Variants in CTNNA2 observed in about 807,000 individuals in gnomAD.
CTNNA2 encodes the protein catenin alpha 2.
CTNNA2 carries 42 observed loss-of-function variants against 101.0 expected under a neutral mutation model. That is an observed-to-expected ratio of 0.42 (90% CI 0.32 to 0.54). The LOEUF (loss-of-function observed/expected upper bound fraction) is 0.54. CTNNA2 is among the 20% of genes least tolerant of loss of function. The probability of loss-of-function intolerance (pLI) is 0.14; values close to 1 mark genes in which losing one functional copy is unlikely to be tolerated. For synonymous variants in CTNNA2, 450 were observed against 456.4 expected, an observed-to-expected ratio of 0.99 and a Z score of 0.18; for missense variants, 871 against 1,223.1, an observed-to-expected ratio of 0.71 and a Z score of 4.29.
chr2:80,303,185 G>A lies in CTNNA2; in HGVS notation c.1057-90026G>A, dbSNP rs746600276. The A allele has an allele frequency of 2.5e-6, 4 of 1,613,924 alleles. No individual in the cohort carries two copies. In the African/African-American group the frequency reaches 5.3e-5, roughly 22 times the overall value. On this transcript the variant is annotated intron_variant, in intron 7 of 18. Transcript: ENST00000402739. This position sits in a 1 kb window ranked among gnomAD's most constrained non-coding sequence, Gnocchi z 7.7. ...GTCGTTGTGCTCGAGGTGCAGCTCG[G>A]TGAGCTTAAACAAGCCGGCGAAAGA...
At chr2:80,289,312 G>A (rs1336086624) in intron 7 of CTNNA2, 1 of 152,132 alleles carries the variant, frequency 6.6e-6, no homozygotes, top group Non-Finnish European at 1.5e-5. Context: ...TAACATTCCA[G>A]TTGCCATTGA....
intron 9 of CTNNA2, among the ~76,000 whole-genome samples, chr2:80,510,138 T>A (rs1688596466): frequency 6.6e-6 from 1 of 152,206 alleles, no homozygotes; most frequent in Admixed American, 6.5e-5. Context: ...ATTCAGTATC[T>A]CCCTGTTAAC....
chr2:79,258,279 G>A (rs953143832), intron 2 of CTNNA2, among the ~76,000 whole-genome samples: 1 of 152,158 alleles, frequency 6.6e-6, no homozygotes, highest in Non-Finnish European at 1.5e-5. Context: ...GTCTCTTGAA[G>A]CAATTAGAAT....
rs541799189 is a variant in CTNNA2, at chr2:79,192,926, ACAC to A, written c.-523-5032_-523-5030del. Among the ~76,000 whole-genome samples the A allele has an allele frequency of 4.1e-3, 621 of 152,272 alleles. 8 individuals carry two copies. The highest frequency in any genetic ancestry group is 2.2e-3 in the Non-Finnish European group (153 of 68,010). ...ATTAAAGAAATAGAACTCTAACAGT[ACAC>A]TTGAATTCTGTTTACTCCTACCCAA... On this transcript the variant is annotated intron_variant, in intron 1 of 21. Coordinates refer to the CTNNA2 transcript ENST00000466387.
At chr2:80,605,252 A>C (rs1372320167) in intron 16 of CTNNA2, 1 of 151,950 alleles carries the variant, frequency 6.6e-6, no homozygotes, top group East Asian at 1.9e-4. Flanking sequence ...ATTATGGTCC[A>C]TTTCTTTTAA....
intron 2 of CTNNA2, among the ~76,000 whole-genome samples, chr2:79,289,070 A>T (rs536761521): frequency 1.3e-5 from 2 of 152,258 alleles, no homozygotes; most frequent in East Asian, 3.9e-4. Flanking sequence ...ACCAAATCAC[A>T]TTTTCCAAGG....
At chr2:79,632,816 G>A (rs1050421734) in intron 1 of CTNNA2, among the ~76,000 whole-genome samples, 9 of 152,182 alleles carry the variant, frequency 5.9e-5, no homozygotes, top group Non-Finnish European at 1.0e-4. Flanking sequence ...TACAGAATAG[G>A]AACCAGCACA....
At chr2:79,978,498 C>T (rs894537863) in intron 7 of CTNNA2, among the ~76,000 whole-genome samples, 17 of 152,274 alleles carry the variant, frequency 1.1e-4, no homozygotes, top group East Asian at 5.8e-4. Flanking sequence ...TCCCCCTTCC[C>T]CACCAATAGT....
chr2:79,600,318 G>A (rs955117943), intron 1 of CTNNA2, among the ~76,000 whole-genome samples: 4 of 152,140 alleles, frequency 2.6e-5, no homozygotes, highest in African/African-American at 9.7e-5. Context: ...TGGGATTACA[G>A]GTGTGTGCCA....
chr2:79,809,180 A>C (rs1199091212), intron 3 of CTNNA2, among the ~76,000 whole-genome samples: 4 of 152,298 alleles, frequency 2.6e-5, no homozygotes, highest in Non-Finnish European at 4.4e-5. Context: ...TTCTTTATCC[A>C]GTCTACCATT....
intron 2 of CTNNA2, among the ~76,000 whole-genome samples, chr2:79,680,106 T>C (rs944311977): frequency 1.3e-5 from 2 of 152,022 alleles, no homozygotes; most frequent in Non-Finnish European, 2.9e-5. Context: ...ATTTTTGGAC[T>C]GACCCTTATT....
At position 80,111,023 on chromosome 2, in the gene CTNNA2, G is replaced by T. The variant is rs550022381; in HGVS notation, c.1056+201226G>T. On this transcript the variant is annotated intron_variant, in intron 7 of 18. Transcript: ENST00000402739. Reference sequence around the variant, plus strand: ...CAAACATGTCCTTCTTCACATGGTGGCAGGAAGGAGAAGTGCTGAGCAAAT... The same window carrying T: ...CAAACATGTCCTTCTTCACATGGTGTCAGGAAGGAGAAGTGCTGAGCAAAT... Among the ~76,000 whole-genome samples the T allele has an allele frequency of 9.9e-5, 15 of 152,238 alleles. No individual in the cohort carries two copies. The East Asian group carries it at 2.7e-3, about 28-fold the overall frequency.
chr2:79,539,850 A>G (rs1458816004), intron 1 of CTNNA2, among the ~76,000 whole-genome samples: 1 of 152,134 alleles, frequency 6.6e-6, no homozygotes, highest in East Asian at 1.9e-4. Context: ...TTACCTGGTT[A>G]ATGACAGTAT....
At chr2:80,036,081 C>A (rs1011220984) in intron 7 of CTNNA2, among the ~76,000 whole-genome samples, 13 of 152,252 alleles carry the variant, frequency 8.5e-5, no homozygotes, top group Admixed American at 7.8e-4. Flanking sequence ...AACTGGGGCC[C>A]CTCCTACCCC....
At chr2:80,585,594 C>A (rs1044452913) in intron 14 of CTNNA2, among the ~76,000 whole-genome samples, 5 of 152,086 alleles carry the variant, frequency 3.3e-5, no homozygotes, top group South Asian at 4.2e-4. Context: ...TGAACAATTG[C>A]ATGTTATGTA....
In CTNNA2 at chr2:79,951,678, T is replaced by TA. The variant is rs1418608216; in HGVS notation, c.1056+41883dup. On this transcript the variant is annotated intron_variant, in intron 7 of 18. Coordinates refer to ENST00000402739, the MANE Select transcript of CTNNA2 (RefSeq NM_001282597.3). ...AGACCCTGTCTCAAAAATTAAAAAA[T>TA]AAGATAAGTTAAAATAAAATAAAAT... Among the ~76,000 whole-genome samples the TA allele has an allele frequency of 6.7e-5, 8 of 120,148 alleles. No individual in the cohort carries two copies. The South Asian group carries it at 1.5e-3, about 23-fold the overall frequency. The allele number at this position is 120,148 out of a possible 152,430, so 78.8% of individuals were successfully genotyped here. A position where few individuals can be genotyped will look rare whatever the true frequency, so the allele number is the denominator to read the frequency against.
At chr2:80,008,067 T>A (rs1693501873) in intron 7 of CTNNA2, among the ~76,000 whole-genome samples, 2 of 152,158 alleles carry the variant, frequency 1.3e-5, no homozygotes, top group African/African-American at 4.8e-5. Context: ...ATCATGGGGC[T>A]CTATGACCCA....
At chr2:79,934,944 G>A (rs1163866545) in intron 7 of CTNNA2, among the ~76,000 whole-genome samples, 1 of 152,180 alleles carries the variant, frequency 6.6e-6, no homozygotes, top group Non-Finnish European at 1.5e-5. Flanking sequence ...TGTATAAATA[G>A]GGCTCAATAG....
intron 3 of CTNNA2, among the ~76,000 whole-genome samples, chr2:79,805,154 A>C (rs546001699): frequency 6.6e-6 from 1 of 152,316 alleles, no homozygotes; most frequent in East Asian, 1.9e-4. Context: ...AATAAGCCCA[A>C]GGGGACTAGA....
Sources: allele counts gnomAD v4.1 joint callset (sites outside exome capture counted in the v4.1 genomes callset), GRCh38; gene constraint gnomAD v4.1.1; non-coding constraint Gnocchi (gnomAD v3.1); transcripts MANE v1.5; gene names NCBI Gene and HGNC (gene_info 2026-07-23, HGNC 2026-07-21).